Variants in DZIP3 observed in about 807,000 individuals in gnomAD.
The protein encoded by DZIP3 is DAZ interacting zinc finger protein 3, also known as E3 ubiquitin-protein ligase DZIP3.
In DZIP3, 118 loss-of-function variants were observed where a neutral mutation model predicts 162.0. The ratio of observed to expected loss-of-function variants is 0.73; its 90% CI spans 0.63 to 0.85. DZIP3 has a LOEUF of 0.85. DZIP3 is among the 40% of genes least tolerant of loss of function. The pLI is 0.00. For synonymous variants in DZIP3, 438 were observed against 458.6 expected (o/e 0.96, Z 0.57); for missense variants, 1,331 against 1,407.0 (o/e 0.95, Z 0.86).
At chr3:108,680,397 A>C (rs1353114181) in intron 26 of DZIP3, among the ~76,000 whole-genome samples, 1 of 151,076 alleles carries the variant, frequency 6.6e-6, no homozygotes, top group African/African-American at 2.5e-5. Flanking sequence ...AGAAAATCGC[A>C]AAGACTCCAC....
intron 27 of DZIP3, among the ~76,000 whole-genome samples, chr3:108,685,366 T>C (rs1008543223): frequency 1.3e-5 from 2 of 152,172 alleles, no homozygotes; most frequent in Admixed American, 6.5e-5. Flanking sequence ...CTGGGAAATA[T>C]TCTGCTTCCC....
At position 108,642,344 on chromosome 3, in the gene DZIP3, G is replaced by A; in HGVS notation, c.1065-94G>A. On this transcript the variant is annotated intron_variant, in intron 12 of 32. Coordinates refer to ENST00000361582, the MANE Select transcript of DZIP3 (RefSeq NM_014648.4). ...TCTTGAATTATTTCTAGGAGAAGAT[G>A]AAAATACTCACTTAGCCATGCTCAT... 3 of 1,283,936 alleles carry A rather than the reference G, an allele frequency of 2.3e-6. No homozygotes were observed. In the South Asian group the frequency reaches 4.3e-5, roughly 19 times the overall value. 79.5% of individuals were successfully genotyped at this position (1,283,936 alleles called of 1,614,324 possible). A position where few individuals can be genotyped will look rare whatever the true frequency, so the allele number is the denominator to read the frequency against.
intron 7 of DZIP3, 98 bp from the exon 8 acceptor site, chr3:108,628,964 C>A (rs969256): frequency 0.18 from 123,388 of 686,460 alleles, 12,914 homozygotes; most frequent in Non-Finnish European, 0.22. Flanking sequence ...TATCACCACC[C>A]TATTTACCAC....
chr3:108,688,828 G>C lies in DZIP3; in HGVS notation c.3420G>C (p.Glu1140Asp). The change falls in exon 31 of 33, where the codon GAG becomes GAC. Residue 1140 changes from glutamate (E) to aspartate (D), a missense_variant. Around this residue, in one of 2 missense-constraint regions of DZIP3, gnomAD observed 53 missense variants for 89.9 expected, o/e 0.59. Transcript: ENST00000361582. Reference protein sequence around the residue: ...ATWEGASNPDEEEEEEEPCVI... With the variant: ...ATWEGASNPDDEEEEEEPCVI... ...ATTTTCTGTATTTTCCCTAGGATGAGGAAGAGGAAGAAGAAGAGCCTTGTG... is the reference window on the plus strand; with the variant it reads ...ATTTTCTGTATTTTCCCTAGGATGACGAAGAGGAAGAAGAAGAGCCTTGTG... The C allele has an allele frequency of 6.2e-7, 1 of 1,614,108 alleles. No individual in the cohort carries two copies. Among genetic ancestry groups the C allele is most frequent in the Non-Finnish European group, 8.5e-7 (1 of 1,179,998 alleles).
intron 7 of DZIP3, among the ~76,000 whole-genome samples, 190 bp downstream of exon 7, chr3:108,626,159 C>T (rs1180763080): frequency 6.6e-6 from 1 of 152,098 alleles, no homozygotes; most frequent in Non-Finnish European, 1.5e-5. Flanking sequence ...CTTAACAGGC[C>T]ATAGCAATAA....
intron 25 of DZIP3, among the ~76,000 whole-genome samples, 178 bp downstream of exon 25, chr3:108,676,051 C>G (rs530869885): frequency 6.6e-5 from 10 of 152,216 alleles, no homozygotes; most frequent in African/African-American, 2.2e-4. Context: ...ATCCTAGACT[C>G]ACACGTGTAG....
At chr3:108,624,332 AT>A in intron 5 of DZIP3, 111 bp from the exon 6 acceptor site, 3 of 618,816 alleles carry the variant, frequency 4.8e-6, no homozygotes, top group South Asian at 2.0e-5. Flanking sequence ...TGTTTTGATA[AT>A]TTTTACTTGT....
intron 3 of DZIP3, among the ~76,000 whole-genome samples, chr3:108,609,181 A>G (rs1315704802): frequency 6.6e-6 from 1 of 152,216 alleles, no homozygotes; most frequent in African/African-American, 2.4e-5. Flanking sequence ...ATTACAATTC[A>G]GCATGAGACT....
intron 9 of DZIP3, among the ~76,000 whole-genome samples, chr3:108,634,382 A>T (rs1942042913): frequency 6.6e-6 from 1 of 152,194 alleles, no homozygotes; most frequent in Non-Finnish European, 1.5e-5. Flanking sequence ...TGTAGTTTCC[A>T]GGCAGGGTAC....
At chr3:108,612,031 T>C (rs185132462) in intron 4 of DZIP3, among the ~76,000 whole-genome samples, 11 of 152,268 alleles carry the variant, frequency 7.2e-5, no homozygotes, top group Non-Finnish European at 1.3e-4. Flanking sequence ...ATATTTGGAA[T>C]TATTTGTATA....
intron 21 of DZIP3, among the ~76,000 whole-genome samples, chr3:108,664,896 C>T (rs3112022): frequency 1 from 151,873 of 152,334 alleles, 75,707 homozygotes; most frequent in Middle Eastern, 1. Flanking sequence ...CTCGTCTGCA[C>T]TGAGGCAGTG....
chr3:108,641,948 T>C (rs543504523), intron 12 of DZIP3, among the ~76,000 whole-genome samples: 1 of 152,340 alleles, frequency 6.6e-6, no homozygotes, highest in East Asian at 1.9e-4. Flanking sequence ...TTTGCTACTT[T>C]ATTTTTTATT....
chr3:108,627,947 C>T (rs537284298), intron 7 of DZIP3, among the ~76,000 whole-genome samples: 3 of 152,140 alleles, frequency 2.0e-5, no homozygotes, highest in South Asian at 2.1e-4. Flanking sequence ...GGCGCGATCT[C>T]GGCTCACTGC....
At chr3:108,657,976 T>C (rs1045591711) in intron 19 of DZIP3, among the ~76,000 whole-genome samples, 6 of 152,098 alleles carry the variant, frequency 3.9e-5, no homozygotes, top group Non-Finnish European at 7.4e-5. Context: ...ATAGGAGCAC[T>C]CAGATTCATA....
At chr3:108,616,039 C>T (rs1017524184) in intron 4 of DZIP3, among the ~76,000 whole-genome samples, 2 of 152,078 alleles carry the variant, frequency 1.3e-5, no homozygotes, top group African/African-American at 4.8e-5. Context: ...CCAAGGCAGG[C>T]GGATCACGAG....
At chr3:108,688,338 GAATGAGTCTAAA>G in intron 29 of DZIP3, among the ~76,000 whole-genome samples, 1 of 152,170 alleles carries the variant, frequency 6.6e-6, no homozygotes, top group Non-Finnish European at 1.5e-5. Context: ...TAGTTTCTTT[GAATGAGTCTAAA>G]GAGGGAGAGA....
At chr3:108,658,022 C>T (rs1245994151) in intron 19 of DZIP3, among the ~76,000 whole-genome samples, 3 of 142,648 alleles carry the variant, frequency 2.1e-5, no homozygotes, top group African/African-American at 7.4e-5. Flanking sequence ...GAGACTTAGA[C>T]TCCCACACAA....
chr3:108,675,493 C>G (rs776189065), intron 24 of DZIP3, among the ~76,000 whole-genome samples: 61 of 151,876 alleles, frequency 4.0e-4, no homozygotes, highest in Non-Finnish European at 5.7e-4. Flanking sequence ...TGGAAAGATT[C>G]CTTACAAAGG....
At chr3:108,601,482 CTTTGT>C (rs1576342361) in intron 1 of DZIP3, among the ~76,000 whole-genome samples, 1 of 152,242 alleles carries the variant, frequency 6.6e-6, no homozygotes, top group East Asian at 1.9e-4. Context: ...AAATATATTA[CTTTGT>C]TTTAAGTTAG....
Sources: allele counts gnomAD v4.1 joint callset (sites outside exome capture counted in the v4.1 genomes callset), GRCh38; gene constraint gnomAD v4.1.1; regional missense constraint gnomAD v4.1.1; transcripts MANE v1.5; gene names NCBI Gene and HGNC (gene_info 2026-07-23, HGNC 2026-07-21).